NPAS3: variants seen among roughly 807,000 people sequenced by gnomAD.
NPAS3 encodes neuronal PAS domain protein 3.
NPAS3 carries 14 observed loss-of-function variants against 73.1 expected under a neutral mutation model. That is an observed-to-expected ratio of 0.19 (90% CI 0.13 to 0.30). The LOEUF (loss-of-function observed/expected upper bound fraction) is 0.30. Among genes scored for constraint, NPAS3 ranks in the 10% least tolerant of loss-of-function variants. NPAS3 has a pLI of 1.00. For synonymous variants in NPAS3, 620 were observed against 541.5 expected (o/e 1.14, Z -2.01); for missense variants, 1,096 against 1,250.0 (o/e 0.88, Z 1.86).
chr14:33,284,760 A>G (rs1241944323), intron 3 of NPAS3, among the ~76,000 whole-genome samples: 1 of 122,804 alleles, frequency 8.1e-6, no homozygotes, highest in Admixed American at 9.0e-5. Context: ...ATATATCTAT[A>G]TCTATATCTA....
chr14:33,299,722 A>G (rs1354383564), intron 3 of NPAS3, among the ~76,000 whole-genome samples: 2 of 152,182 alleles, frequency 1.3e-5, no homozygotes, highest in Admixed American at 1.3e-4. Context: ...GAAAGGGGGA[A>G]AAAAAGCAAT....
chr14:33,028,339 C>T (rs747431688), intron 1 of NPAS3, among the ~76,000 whole-genome samples: 5 of 152,170 alleles, frequency 3.3e-5, no homozygotes, highest in Non-Finnish European at 4.4e-5. Context: ...TGTGACTAAA[C>T]CCCAGCTATT....
intron 2 of NPAS3, among the ~76,000 whole-genome samples, chr14:33,211,717 A>ATG (rs142136743): frequency 3.3e-5 from 5 of 152,068 alleles, no homozygotes; most frequent in Non-Finnish European, 5.9e-5. Flanking sequence ...ACATACATAT[A>ATG]TGTGTGTGTG....
At chr14:33,729,524 A>G (rs2061351467) in intron 6 of NPAS3, among the ~76,000 whole-genome samples, 2 of 152,150 alleles carry the variant, frequency 1.3e-5, no homozygotes. Context: ...GTTGCAATTG[A>G]GATGGCAGCC....
In NPAS3 at chr14:33,514,481, G is replaced by T. The variant is rs561453568; in HGVS notation, c.469-45640G>T. 2.6e-5 allele frequency among the ~76,000 whole-genome samples: 4 copies of T among 152,092 alleles called. No individual in the cohort carries two copies. The South Asian group carries it at 6.2e-4, about 24-fold the overall frequency. ...TTGTGATGCCCAAATTGGTTGCGTT[G>T]CTTCCCTTGGTGAATATTCTTCTCC... On this transcript the variant is annotated intron_variant, in intron 4 of 11. Coordinates refer to ENST00000356141, the Ensembl canonical transcript of NPAS3.
chr14:33,260,466 T>C (rs1052199130), intron 3 of NPAS3, among the ~76,000 whole-genome samples: 1 of 152,108 alleles, frequency 6.6e-6, no homozygotes, highest in African/African-American at 2.4e-5. Flanking sequence ...CATGCACCCG[T>C]ACATTTTTAT....
intron 6 of NPAS3, among the ~76,000 whole-genome samples, chr14:33,706,789 T>C (rs1265986850): frequency 6.6e-6 from 1 of 152,156 alleles, no homozygotes; most frequent in Non-Finnish European, 1.5e-5. Flanking sequence ...TAGCCCAAAG[T>C]TGCACAGCTA....
intron 5 of NPAS3, among the ~76,000 whole-genome samples, chr14:33,615,455 G>C (rs1312301461): frequency 6.6e-6 from 1 of 152,082 alleles, no homozygotes; most frequent in Non-Finnish European, 1.5e-5. Context: ...GAGTAAGCGA[G>C]GACTTGGGTA....
At chr14:33,736,238 T>C (rs2061521096) in intron 7 of NPAS3, among the ~76,000 whole-genome samples, 1 of 152,190 alleles carries the variant, frequency 6.6e-6, no homozygotes, top group African/African-American at 2.4e-5. Flanking sequence ...TAACAGCCAG[T>C]ATCATTAGGC....
chr14:33,132,826 AT>A (rs1341549947), intron 2 of NPAS3, among the ~76,000 whole-genome samples: 1 of 152,146 alleles, frequency 6.6e-6, no homozygotes, highest in Non-Finnish European at 1.5e-5. Context: ...GAAATAACTA[AT>A]ATTTACTGAT....
chr14:33,077,534 A>G (rs59490559), intron 2 of NPAS3, among the ~76,000 whole-genome samples: 15,382 of 146,960 alleles, frequency 0.1, 1,285 homozygotes, highest in African/African-American at 0.24. Context: ...TTAACAAAGC[A>G]TAAAATCAAG....
rs72264623 is a variant in NPAS3 at position 33,147,725 on chromosome 14, T to TAAA, written c.141-67453_141-67451dup. The stretch of plus-strand genomic sequence containing the variant: ...ATGTACCCTAGAACTTAAAGTAGAA[T>TAAA]AAAAAATATATATATATATATATAT... On this transcript the variant is annotated intron_variant, in intron 2 of 11. Coordinates refer to ENST00000356141, the Ensembl canonical transcript of NPAS3. Among the ~76,000 whole-genome samples, 862 of 91,584 alleles carry TAAA rather than the reference T, an allele frequency of 9.4e-3. 4 individuals carry two copies. Among genetic ancestry groups the TAAA allele is most frequent in the African/African-American group, 0.029 (597 of 20,398 alleles). The allele number at this position is 91,584 out of a possible 152,430, so 60.1% of individuals were successfully genotyped here. A position where few individuals can be genotyped will look rare whatever the true frequency, so the allele number is the denominator to read the frequency against.
At position 32,985,219 on chromosome 14, in the gene NPAS3, C is replaced by T. The variant is rs115219448; in HGVS notation, c.50+45853C>T. The stretch of plus-strand genomic sequence containing the variant: ...TGGTAAACAAAGAAAGTAATCCTAC[C>T]AATGGGCTTGGTGACTGTGGTCTTT... On this transcript the variant is annotated intron_variant, in intron 1 of 11. Transcript: ENST00000356141. Among the ~76,000 whole-genome samples, 732 of 152,162 alleles carry T rather than the reference C, an allele frequency of 4.8e-3. 3 individuals are homozygous for T. Among genetic ancestry groups the T allele is most frequent in the African/African-American group, 0.017 (691 of 41,492 alleles).
chr14:33,456,823 C>A (rs1227362925), intron 4 of NPAS3, among the ~76,000 whole-genome samples: 1 of 152,036 alleles, frequency 6.6e-6, no homozygotes, highest in Admixed American at 6.6e-5. Flanking sequence ...AACAGAAAGG[C>A]AGAAATGGGG....
At chr14:32,975,523 T>C (rs1446499990) in intron 1 of NPAS3, among the ~76,000 whole-genome samples, 4 of 152,202 alleles carry the variant, frequency 2.6e-5, no homozygotes, top group Admixed American at 6.5e-5. Flanking sequence ...GTTTCTGTTA[T>C]TCCTTTCAAA....
intron 4 of NPAS3, among the ~76,000 whole-genome samples, chr14:33,448,737 T>C (rs1048650133): frequency 6.6e-6 from 1 of 152,162 alleles, no homozygotes; most frequent in African/African-American, 2.4e-5. Context: ...AATATCAAAG[T>C]GCCCCTGAGA....
chr14:33,688,736 C>T (rs1463462180), intron 6 of NPAS3, among the ~76,000 whole-genome samples: 2 of 152,196 alleles, frequency 1.3e-5, no homozygotes, highest in Non-Finnish European at 2.9e-5. Context: ...AGGCTTTGAT[C>T]TGAAGGCTGT....
At chr14:33,769,749 T>A (rs536401055) in intron 7 of NPAS3, among the ~76,000 whole-genome samples, 242 of 126,394 alleles carry the variant, frequency 1.9e-3, no homozygotes, top group African/African-American at 7.6e-3. Flanking sequence ...ACTTGGATTT[T>A]TTTTTTCTTT....
At chr14:33,342,631 C>T (rs1355534212) in intron 3 of NPAS3, among the ~76,000 whole-genome samples, 4 of 152,192 alleles carry the variant, frequency 2.6e-5, no homozygotes, top group African/African-American at 9.7e-5. Flanking sequence ...AGTGTTTGCA[C>T]TTAATGTATT....
Sources: allele counts gnomAD v4.1 joint callset (sites outside exome capture counted in the v4.1 genomes callset), GRCh38; gene constraint gnomAD v4.1.1; transcripts MANE v1.5; gene names NCBI Gene and HGNC (gene_info 2026-07-23, HGNC 2026-07-21).